Variants in LRMDA observed in about 807,000 individuals in gnomAD.
The protein encoded by LRMDA is leucine rich melanocyte differentiation associated, also known as leucine-rich melanocyte differentiation-associated protein.
A neutral mutation model predicts 29.8 loss-of-function variants in LRMDA; 18 were observed. The ratio of observed to expected loss-of-function variants is 0.60; its 90% CI spans 0.42 to 0.90. The LOEUF (loss-of-function observed/expected upper bound fraction) is 0.90, where lower values mean the gene tolerates loss of function less well. Among genes scored for constraint, LRMDA ranks in the 40% least tolerant of loss-of-function variants. The pLI is 0.00. For synonymous variants in LRMDA, 125 were observed against 109.4 expected (o/e 1.14, Z -0.89); for missense variants, 273 against 273.9 (o/e 1.00, Z 0.02).
chr10:76,507,114 G>A (rs1361901087), intron 6 of LRMDA, among the ~76,000 whole-genome samples: 1 of 151,570 alleles, frequency 6.6e-6, no homozygotes, highest in Admixed American at 6.6e-5. Context: ...GTTATTTTGT[G>A]TCTTTTTGAT....
intron 5 of LRMDA, among the ~76,000 whole-genome samples, chr10:76,087,574 G>A (rs1849157721): frequency 6.6e-6 from 1 of 152,120 alleles, no homozygotes; most frequent in Non-Finnish European, 1.5e-5. Flanking sequence ...CCTCAGTGTA[G>A]CTGTAGAGAG....
intron 6 of LRMDA, among the ~76,000 whole-genome samples, chr10:76,329,466 A>C (rs1840877650): frequency 6.6e-6 from 1 of 152,230 alleles, no homozygotes; most frequent in Non-Finnish European, 1.5e-5. Flanking sequence ...CATATTAAAC[A>C]TTGAACTTGA....
chr10:76,412,197 A>C (rs1841969179), intron 6 of LRMDA, among the ~76,000 whole-genome samples: 1 of 152,204 alleles, frequency 6.6e-6, no homozygotes, highest in Non-Finnish European at 1.5e-5. Flanking sequence ...GGAATGGTTA[A>C]GAAAAGGTGC....
At chr10:76,346,180 T>C (rs1433614402) in intron 6 of LRMDA, among the ~76,000 whole-genome samples, 1 of 152,214 alleles carries the variant, frequency 6.6e-6, no homozygotes, top group Admixed American at 6.5e-5. Flanking sequence ...TAACAATAGT[T>C]ACTTCTACGA....
At chr10:76,477,045 G>C (rs1842681345) in intron 6 of LRMDA, among the ~76,000 whole-genome samples, 2 of 152,094 alleles carry the variant, frequency 1.3e-5, no homozygotes, top group Non-Finnish European at 2.9e-5. Context: ...TGGAAGTTCT[G>C]GCCAGGGCAA....
chr10:76,190,268 C>A (rs944255693), intron 5 of LRMDA, among the ~76,000 whole-genome samples: 15 of 151,996 alleles, frequency 9.9e-5, no homozygotes, highest in African/African-American at 3.6e-4. Context: ...TCTAAAGTGG[C>A]ATCATTTTCA....
chr10:75,530,392 G>A (rs1479156240), intron 2 of LRMDA, among the ~76,000 whole-genome samples: 1 of 152,168 alleles, frequency 6.6e-6, no homozygotes, highest in African/African-American at 2.4e-5. Flanking sequence ...CAGAATTGCA[G>A]GAATTCAGGG....
chr10:75,688,613 G>C (rs1160663552), intron 2 of LRMDA, among the ~76,000 whole-genome samples: 1 of 152,252 alleles, frequency 6.6e-6, no homozygotes, highest in Non-Finnish European at 1.5e-5. Flanking sequence ...AACAAACTTA[G>C]TTGAAAAAGC....
intron 6 of LRMDA, among the ~76,000 whole-genome samples, chr10:76,415,567 A>G (rs1842005729): frequency 6.6e-6 from 1 of 152,084 alleles, no homozygotes; most frequent in African/African-American, 2.4e-5. Flanking sequence ...ACCAGTTTCC[A>G]TATTAACATT....
intron 2 of LRMDA, among the ~76,000 whole-genome samples, chr10:75,809,084 G>A (rs1360812912): frequency 2.6e-5 from 4 of 151,950 alleles, no homozygotes; most frequent in African/African-American, 4.8e-5. Context: ...CCATCCTCTG[G>A]GGGTCAGCTT....
At chr10:76,060,554 G>A (rs913548814) in intron 5 of LRMDA, among the ~76,000 whole-genome samples, 1 of 152,160 alleles carries the variant, frequency 6.6e-6, no homozygotes, top group African/African-American at 2.4e-5. Context: ...GGTTTACCTT[G>A]TGTCTGACCA....
chr10:75,822,980 G>T (rs773640149), intron 2 of LRMDA, among the ~76,000 whole-genome samples: 6 of 152,104 alleles, frequency 3.9e-5, no homozygotes, highest in Non-Finnish European at 4.4e-5. Flanking sequence ...ATAAAAATGA[G>T]CTCAAGATGG....
At chr10:75,696,627 C>T (rs527728767) in intron 2 of LRMDA, among the ~76,000 whole-genome samples, 30 of 152,284 alleles carry the variant, frequency 2.0e-4, no homozygotes, top group African/African-American at 7.0e-4. Context: ...AGCAGAAAAG[C>T]TGTAAGACGA....
At chr10:76,007,639 CTAGAG>C (rs1439980779) in intron 2 of LRMDA, among the ~76,000 whole-genome samples, 5 of 152,176 alleles carry the variant, frequency 3.3e-5, no homozygotes, top group Admixed American at 3.3e-4. Context: ...CATCCCAAAC[CTAGAG>C]GACATCTCCT....
chr10:75,495,843 G>A (rs1459715723), intron 2 of LRMDA, among the ~76,000 whole-genome samples: 2 of 152,222 alleles, frequency 1.3e-5, no homozygotes, highest in Non-Finnish European at 2.9e-5. Context: ...AACCCAGGTG[G>A]TGCTGCTTGT....
At chr10:76,359,969 G>C (rs1841291183) in intron 6 of LRMDA, among the ~76,000 whole-genome samples, 1 of 151,998 alleles carries the variant, frequency 6.6e-6, no homozygotes, top group Non-Finnish European at 1.5e-5. Context: ...CCTTGGATCG[G>C]TCCAGTGGCA....
intron 5 of LRMDA, among the ~76,000 whole-genome samples, chr10:76,096,679 A>G (rs1849316654): frequency 6.6e-6 from 1 of 152,108 alleles, no homozygotes; most frequent in Admixed American, 6.5e-5. Context: ...TCTGTTGACT[A>G]TGTAGTGCAT....
intron 5 of LRMDA, among the ~76,000 whole-genome samples, chr10:76,140,671 C>T (rs1280854686): frequency 1.3e-5 from 2 of 152,072 alleles, no homozygotes; most frequent in African/African-American, 2.4e-5. Context: ...TTCTGTTTCT[C>T]TCCCCAAGTA....
rs373038817 is a variant in LRMDA at position 76,512,224 on chromosome 10, T to A, written c.602-44985T>A. Among the ~76,000 whole-genome samples the A allele has an allele frequency of 1.2e-3, 181 of 152,346 alleles. 1 individual carries two copies. Among genetic ancestry groups the A allele is most frequent in the African/African-American group, 4.1e-3 (172 of 41,578 alleles). ...CATGATTCTGAGGCCTCCCCAGCCA[T>A]GTGCAACTGTAAGTCCAATTAAACC... is the stretch of plus-strand genomic sequence containing the variant. On this transcript the variant is annotated intron_variant, in intron 6 of 6. Transcript: ENST00000611255.
Sources: gnomAD v4.1 joint callset for allele counts (sites outside exome capture counted in the v4.1 genomes callset) on GRCh38, gnomAD v4.1.1 for gene constraint, MANE v1.5 for transcripts, NCBI Gene and HGNC (gene_info 2026-07-23, HGNC 2026-07-21) for gene names.